MEGF11: variants seen among roughly 807,000 people sequenced by gnomAD.
MEGF11 encodes the protein multiple EGF like domains 11, also known as multiple epidermal growth factor-like domains protein 11.
In MEGF11, 126 loss-of-function variants were observed where a neutral mutation model predicts 146.6. That is an observed-to-expected ratio of 0.86 (90% CI 0.74 to 1.00). The LOEUF is 1.00. Ranked by LOEUF, MEGF11 falls within the 50% of genes least tolerant of loss-of-function variation. The pLI, the probability that MEGF11 is intolerant of heterozygous loss-of-function variation, is 0.00. For missense variants in MEGF11, 1,509 were observed against 1,521.2 expected, an observed-to-expected ratio of 0.99 and a Z score of 0.13; for synonymous variants, 532 against 583.4, an observed-to-expected ratio of 0.91 and a Z score of 1.27.
chr15:66,034,414 T>G (rs1389005359), intron 5 of MEGF11, among the ~76,000 whole-genome samples: 37 of 151,672 alleles, frequency 2.4e-4, no homozygotes, highest in African/African-American at 9.0e-4. Context: ...TTTTTTTTGT[T>G]TTTGTTTTTT....
intron 5 of MEGF11, among the ~76,000 whole-genome samples, chr15:66,022,562 C>T (rs1407858691): frequency 2.0e-5 from 3 of 152,340 alleles, no homozygotes; most frequent in Middle Eastern, 3.4e-3. Flanking sequence ...CAGTGGCTTA[C>T]ACCTATAATC....
At chr15:66,219,004 CT>C (rs1434927286) in intron 1 of MEGF11, among the ~76,000 whole-genome samples, 20 of 52,294 alleles carry the variant, frequency 3.8e-4, no homozygotes, top group Admixed American at 2.5e-3. Flanking sequence ...AAACCTTAAC[CT>C]AAACCTTATC....
At chr15:66,183,999 T>C (rs2090626210) in intron 1 of MEGF11, among the ~76,000 whole-genome samples, 1 of 152,174 alleles carries the variant, frequency 6.6e-6, no homozygotes, top group African/African-American at 2.4e-5. Flanking sequence ...AAACTATGCT[T>C]CCATTTATAT....
intron 1 of MEGF11, among the ~76,000 whole-genome samples, chr15:66,186,211 C>A (rs748901630): frequency 6.6e-6 from 1 of 152,194 alleles, no homozygotes; most frequent in Non-Finnish European, 1.5e-5. Flanking sequence ...ATAGACCCTC[C>A]GGGAAGCAGA....
intron 10 of MEGF11, among the ~76,000 whole-genome samples, chr15:65,942,159 G>C (rs1389936017): frequency 6.6e-6 from 1 of 152,184 alleles, no homozygotes; most frequent in African/African-American, 2.4e-5. Flanking sequence ...CAAAGCCCAA[G>C]TTCTCTCCCC....
At chr15:66,157,416 C>T (rs937434201) in intron 1 of MEGF11, among the ~76,000 whole-genome samples, 6 of 152,210 alleles carry the variant, frequency 3.9e-5, no homozygotes, top group South Asian at 2.1e-4. Flanking sequence ...CCCCATGTCA[C>T]GGCAGCTACA....
intron 5 of MEGF11, among the ~76,000 whole-genome samples, chr15:66,062,089 G>A (rs1241656636): frequency 6.6e-6 from 1 of 152,196 alleles, no homozygotes; most frequent in East Asian, 1.9e-4. Context: ...GGTGATCTGG[G>A]AAGGCCTCTC....
rs1441064781 is a variant in MEGF11, at chr15:66,038,083, G to A, written c.395-55595C>T. Among the ~76,000 whole-genome samples, 27 of 152,336 alleles carry A rather than the reference G, an allele frequency of 1.8e-4. No homozygotes were observed. The East Asian group carries it at 4.6e-3, about 26-fold the overall frequency. On this transcript the variant is annotated intron_variant, in intron 5 of 25. Transcript: ENST00000395614. ...TTTATTGTTTCAGGCTTGGCTTAGA[G>A]AGGCAGAAAAGGAGACAAGCCCAGA... is the stretch of plus-strand genomic sequence containing the variant.
rs368376012 is a variant in MEGF11 at position 65,922,884 on chromosome 15, G to A, written c.1761C>T (p.Cys587=). The A allele has an allele frequency of 1.9e-6, 3 of 1,613,110 alleles. No individual in the cohort carries two copies. The African/African-American group carries it at 4.0e-5, about 22-fold the overall frequency. The change falls in exon 14 of 26, where the codon TGC becomes TGT. Residue 587 remains cysteine, a synonymous_variant. Coordinates refer to ENST00000395614, the MANE Select transcript of MEGF11 (RefSeq NM_001385028.1). ...ACTCGCAGCTCCCATCCTCTGGGGAGCAGGAGCCTCCATTCTCACAGCTGC... is the reference window on the plus strand; with the variant it reads ...ACTCGCAGCTCCCATCCTCTGGGGAACAGGAGCCTCCATTCTCACAGCTGC... The part of the protein sequence containing the change: ...VSCSCENGGS[C]SPEDGSCECA...
intron 1 of MEGF11, among the ~76,000 whole-genome samples, chr15:66,224,736 T>A (rs2091814853): frequency 6.8e-6 from 1 of 146,316 alleles, no homozygotes; most frequent in Admixed American, 6.9e-5. Context: ...TATATGTATA[T>A]CTCATATATA....
intron 5 of MEGF11, among the ~76,000 whole-genome samples, chr15:65,984,893 C>T (rs1397721690): frequency 4.6e-5 from 7 of 151,968 alleles, no homozygotes; most frequent in East Asian, 3.9e-4. Context: ...CTCAGCCTCC[C>T]GAGTAGCTGG....
At chr15:66,140,039 A>C (rs2141000821) in intron 1 of MEGF11, among the ~76,000 whole-genome samples, 1 of 152,250 alleles carries the variant, frequency 6.6e-6, no homozygotes, top group East Asian at 1.9e-4. Flanking sequence ...CTCAGTCCTC[A>C]CCGGCGCATT....
intron 1 of MEGF11, among the ~76,000 whole-genome samples, chr15:66,166,029 A>T (rs994243727): frequency 6.6e-6 from 1 of 151,914 alleles, no homozygotes; most frequent in Non-Finnish European, 1.5e-5. Context: ...GGGTGATCTC[A>T]TCCATCTCTG....
intron 5 of MEGF11, among the ~76,000 whole-genome samples, chr15:66,061,071 G>A (rs2084887926): frequency 6.6e-6 from 1 of 152,226 alleles, no homozygotes; most frequent in Non-Finnish European, 1.5e-5. Context: ...AGGAGGAGGA[G>A]CTGGTTACAG....
At chr15:66,035,393 C>T (rs1567211550) in intron 5 of MEGF11, among the ~76,000 whole-genome samples, 1 of 152,188 alleles carries the variant, frequency 6.6e-6, no homozygotes, top group African/African-American at 2.4e-5. Context: ...GTACATTCAA[C>T]CTTTATTTCC....
At chr15:66,047,304 T>C (rs1307418569) in intron 5 of MEGF11, among the ~76,000 whole-genome samples, 2 of 152,222 alleles carry the variant, frequency 1.3e-5, no homozygotes, top group East Asian at 3.8e-4. Context: ...ATCCCAGCTT[T>C]GGCGTTTCCT....
At chr15:66,158,387 C>T (rs12909857) in intron 1 of MEGF11, among the ~76,000 whole-genome samples, 57,589 of 152,182 alleles carry the variant, frequency 0.38, 13,092 homozygotes, top group South Asian at 0.52. Flanking sequence ...CCCCCTCTTC[C>T]CATCAGATGG....
Position 65,898,937 on chromosome 15 carries a change from G to T in MEGF11, c.3056-3C>A. 1 of 1,613,678 alleles carries T rather than the reference G, an allele frequency of 6.2e-7. No homozygotes were observed. On this transcript the variant is annotated splice_polypyrimidine_tract_variant and splice_region_variant and intron_variant, in intron 24 of 25. Coordinates refer to ENST00000395614, the MANE Select transcript of MEGF11 (RefSeq NM_001385028.1). ...GCACACGGATTCTTTCATGTAATCT[G>T]CAAGGCAAGAGACATTTCTTAGGAC...
At chr15:66,088,773 G>A (rs930555246) in intron 5 of MEGF11, among the ~76,000 whole-genome samples, 2 of 152,142 alleles carry the variant, frequency 1.3e-5, no homozygotes, top group Non-Finnish European at 2.9e-5. Context: ...CCAATTATAT[G>A]AAGCACAGAG....
Sources: gnomAD v4.1 joint callset for allele counts (sites outside exome capture counted in the v4.1 genomes callset) on GRCh38, gnomAD v4.1.1 for gene constraint, MANE v1.5 for transcripts, NCBI Gene and HGNC (gene_info 2026-07-23, HGNC 2026-07-21) for gene names.